CNIH4: variants seen among roughly 807,000 people sequenced by gnomAD.
CNIH4 encodes protein cornichon homolog 4.
Under a neutral mutation model 21.5 loss-of-function variants are expected in CNIH4, and 9 were observed. That is an observed-to-expected ratio of 0.42 (90% CI 0.25 to 0.73). CNIH4 has a LOEUF of 0.73. Ranked by LOEUF, CNIH4 falls within the 30% of genes least tolerant of loss-of-function variation. The pLI is 0.27. For missense variants in CNIH4, 159 were observed against 170.0 expected (o/e 0.94, Z 0.36); for synonymous variants, 67 against 59.1 (o/e 1.13, Z -0.61).
At position 224,376,496 on chromosome 1, in the gene CNIH4, CA is replaced by C. The variant is rs1405792938; in HGVS notation, c.*677del. ...AAGCTACTACCTCCACAATCACCCCCAAACCCAGAAAATCCCCACTGGCTCT... is the reference window on the plus strand; with the variant it reads ...AAGCTACTACCTCCACAATCACCCCCAACCCAGAAAATCCCCACTGGCTCT... On this transcript the variant is annotated 3_prime_UTR_variant, in exon 5 of 5. Coordinates refer to ENST00000465271, the MANE Select transcript of CNIH4 (RefSeq NM_014184.4). 3.0e-6 allele frequency: 3 copies of C among 985,334 alleles called. No homozygotes were observed. The East Asian group carries it at 3.4e-4, about 112-fold the overall frequency. 61.0% of individuals were successfully genotyped at this position (985,334 alleles called of 1,614,324 possible).
At chr1:224,372,708 A>G (rs1251577961) in intron 4 of CNIH4, among the ~76,000 whole-genome samples, 1 of 151,364 alleles carries the variant, frequency 6.6e-6, no homozygotes, top group African/African-American at 2.4e-5. Context: ...TCAGCCTCCC[A>G]AGTAGCTGGG....
At chr1:224,371,456 C>T in intron 4 of CNIH4, 33 bp downstream of exon 4, 2 of 1,595,050 alleles carry the variant, frequency 1.3e-6, no homozygotes, top group Non-Finnish European at 1.7e-6. Context: ...TTCCTAGATG[C>T]CATATTTGTT....
chr1:224,364,661 G>A (rs1051704759), intron 2 of CNIH4, among the ~76,000 whole-genome samples: 4 of 152,168 alleles, frequency 2.6e-5, no homozygotes, highest in Admixed American at 6.5e-5. Context: ...CCGGCAGGGC[G>A]CAGTGGCTCA....
At chr1:224,370,545 C>T (rs2102864407) in intron 3 of CNIH4, among the ~76,000 whole-genome samples, 1 of 152,272 alleles carries the variant, frequency 6.6e-6, no homozygotes, top group Middle Eastern at 3.4e-3. Context: ...TTCATTGATC[C>T]TCTCAAAGTA....
In CNIH4 at chr1:224,379,395, G is replaced by A. The variant is rs1672858681; in HGVS notation, c.*3573G>A. 4.5e-5 allele frequency: 18 copies of A among 403,480 alleles called. No individual in the cohort carries two copies. The South Asian group carries it at 4.9e-4, about 11-fold the overall frequency. 25.0% of individuals were successfully genotyped at this position (403,480 alleles called of 1,614,324 possible). On this transcript the variant is annotated 3_prime_UTR_variant, in exon 5 of 5. Transcript: ENST00000465271. ...TTGTATCTTCTTCCTTCTGCTCTTG[G>A]CACCTAACACAGTGCCTTGCACACA...
chr1:224,363,084 G>A (rs1403556443), intron 2 of CNIH4, among the ~76,000 whole-genome samples: 3 of 150,540 alleles, frequency 2.0e-5, no homozygotes, highest in East Asian at 3.9e-4. Context: ...TGCACTTGTT[G>A]TCTAGGCTGG....
intron 1 of CNIH4, among the ~76,000 whole-genome samples, chr1:224,358,724 G>GT (rs1311293762): frequency 3.9e-5 from 6 of 152,118 alleles, no homozygotes; most frequent in East Asian, 1.9e-4. Flanking sequence ...ATGTAGCTGG[G>GT]TTTTTTCTTT....
At chr1:224,372,141 A>G (rs1672649301) in intron 4 of CNIH4, among the ~76,000 whole-genome samples, 3 of 152,198 alleles carry the variant, frequency 2.0e-5, no homozygotes. Flanking sequence ...CTCATTCTCC[A>G]GCATGCTAAA....
chr1:224,376,251 A>G lies in CNIH4; in HGVS notation c.*429A>G, dbSNP rs971247332. 4.0e-6 allele frequency: 4 copies of G among 988,060 alleles called. No homozygotes were observed. Among genetic ancestry groups the G allele is most frequent in the Non-Finnish European group, 4.8e-6 (4 of 831,816 alleles). 61.2% of individuals were successfully genotyped at this position (988,060 alleles called of 1,614,324 possible). A position where few individuals can be genotyped will look rare whatever the true frequency, so the allele number is the denominator to read the frequency against. ...TGATCTGGACAAAAGAAGAAAAATT[A>G]CCCTTTTTGCTTGTGTTGTGACAAC... is the stretch of plus-strand genomic sequence containing the variant. On this transcript the variant is annotated 3_prime_UTR_variant, in exon 5 of 5. Coordinates refer to ENST00000465271, the MANE Select transcript of CNIH4 (RefSeq NM_014184.4).
intron 2 of CNIH4, chr1:224,364,334 C>A: frequency 1.0e-6 from 1 of 985,378 alleles, no homozygotes. Context: ...AAGGCTATAG[C>A]TTTAGGGATC....
intron 2 of CNIH4, among the ~76,000 whole-genome samples, chr1:224,362,173 C>T (rs1444617049): frequency 3.3e-5 from 5 of 151,888 alleles, no homozygotes; most frequent in Non-Finnish European, 5.9e-5. Context: ...CTCTGCCTCC[C>T]GGGTTCATGC....
Position 224,377,486 on chromosome 1 carries a change from CTT to C in CNIH4, c.*1680_*1681del, listed in dbSNP as rs34589187. The C allele has an allele frequency of 7.3e-3, 1,016 of 138,614 alleles. 7 individuals carry two copies. The highest frequency in any genetic ancestry group is 0.01 in the Non-Finnish European group (663 of 63,642). 8.6% of individuals were successfully genotyped at this position (138,614 alleles called of 1,614,324 possible). A position where few individuals can be genotyped will look rare whatever the true frequency, so the allele number is the denominator to read the frequency against. On this transcript the variant is annotated 3_prime_UTR_variant, in exon 5 of 5. Transcript: ENST00000465271. ...TAAGCTACTTAAAGGCGGTAGAGAT[CTT>C]TTTTTTTTTTTTTTTGAGATGGGGT... is the stretch of plus-strand genomic sequence containing the variant.
At chr1:224,361,921 A>G (rs1672299641) in intron 2 of CNIH4, among the ~76,000 whole-genome samples, 1 of 152,060 alleles carries the variant, frequency 6.6e-6, no homozygotes, top group Non-Finnish European at 1.5e-5. Flanking sequence ...CTGCCAATTA[A>G]ATTTTGAGGC....
At chr1:224,367,042 T>C (rs192676979) in intron 3 of CNIH4, among the ~76,000 whole-genome samples, 18 of 152,166 alleles carry the variant, frequency 1.2e-4, no homozygotes, top group Non-Finnish European at 1.5e-4. Flanking sequence ...TTGTTCAAAA[T>C]GAGCTCAATG....
intron 2 of CNIH4, among the ~76,000 whole-genome samples, chr1:224,363,090 G>T (rs1672346764): frequency 6.6e-6 from 1 of 151,378 alleles, no homozygotes; most frequent in Non-Finnish European, 1.5e-5. Flanking sequence ...TGTTGTCTAG[G>T]CTGGAGTGCA....
intron 4 of CNIH4, among the ~76,000 whole-genome samples, chr1:224,371,999 G>A (rs1672645287): frequency 6.6e-6 from 1 of 152,118 alleles, no homozygotes; most frequent in Admixed American, 6.6e-5. Flanking sequence ...CCTGTTATAA[G>A]CATTAATATA....
At position 224,379,443 on chromosome 1, in the gene CNIH4, A is replaced by G. The variant is rs1388899114; in HGVS notation, c.*3621A>G. On this transcript the variant is annotated 3_prime_UTR_variant, in exon 5 of 5. Transcript: ENST00000465271. ...ACAAACAATAAATGATTGTTGAGTG[A>G]ATAAGTAAACCTGATTGTGGTGTTC... The G allele has an allele frequency of 4.2e-6, 1 of 239,058 alleles. No individual in the cohort carries two copies. Among genetic ancestry groups the G allele is most frequent in the Non-Finnish European group, 8.3e-6 (1 of 119,868 alleles). The allele number at this position is 239,058 out of a possible 1,614,324, so 14.8% of individuals were successfully genotyped here. A position where few individuals can be genotyped will look rare whatever the true frequency, so the allele number is the denominator to read the frequency against.
chr1:224,375,065 T>C (rs1007699030), intron 4 of CNIH4, among the ~76,000 whole-genome samples: 3 of 152,358 alleles, frequency 2.0e-5, no homozygotes, highest in East Asian at 1.9e-4. Flanking sequence ...GTAGCATTTA[T>C]TGGGTGACTG....
intron 1 of CNIH4, chr1:224,357,301 C>T (rs377524023): frequency 5.8e-4 from 169 of 289,958 alleles, no homozygotes; most frequent in African/African-American, 3.2e-3. Flanking sequence ...GCTCTCCGCT[C>T]GTCCCCGCGG....
Sources: gnomAD v4.1 joint callset for allele counts (sites outside exome capture counted in the v4.1 genomes callset) on GRCh38, gnomAD v4.1.1 for gene constraint, MANE v1.5 for transcripts, NCBI Gene and HGNC (gene_info 2026-07-23, HGNC 2026-07-21) for gene names.